The following SLC44A5 variants were observed in gnomAD, a reference collection of about 807,000 sequenced individuals.
SLC44A5 encodes the protein choline transporter-like protein 5.
In SLC44A5, 57 loss-of-function variants were observed where a neutral mutation model predicts 101.8. That is an observed-to-expected ratio of 0.56 (90% confidence interval 0.45 to 0.70). The LOEUF (loss-of-function observed/expected upper bound fraction) is 0.70. Ranked by LOEUF, SLC44A5 falls within the 30% of genes least tolerant of loss-of-function variation. The pLI is 0.00. For synonymous variants in SLC44A5, 281 were observed against 290.9 expected, an observed-to-expected ratio of 0.97 and a Z score of 0.35; for missense variants, 737 against 853.1, an observed-to-expected ratio of 0.86 and a Z score of 1.70.
intron 3 of SLC44A5, among the ~76,000 whole-genome samples, chr1:75,390,342 A>G (rs1661701694): frequency 6.6e-6 from 1 of 151,846 alleles, no homozygotes; most frequent in Non-Finnish European, 1.5e-5. Flanking sequence ...AAAATCTGGC[A>G]AAGACACAAG....
At chr1:75,241,977 T>G (rs776458814) in intron 9 of SLC44A5, 24 bp downstream of exon 9, 1 of 1,590,864 alleles carries the variant, frequency 6.3e-7, no homozygotes, top group Admixed American at 1.7e-5. Context: ...CCTATGTTTC[T>G]AAGGTAAAAT....
chr1:75,429,930 G>A (rs1454033279), intron 2 of SLC44A5, among the ~76,000 whole-genome samples: 4 of 152,108 alleles, frequency 2.6e-5, no homozygotes, highest in Non-Finnish European at 5.9e-5. Context: ...TATTGTGCTG[G>A]GAGCTAAGGA....
chr1:75,299,732 C>A (rs569507456), intron 5 of SLC44A5, among the ~76,000 whole-genome samples: 5 of 151,954 alleles, frequency 3.3e-5, no homozygotes, highest in African/African-American at 1.2e-4. Context: ...CCAAATGGGC[C>A]AGGCACAGTA....
At chr1:75,388,913 T>C (rs1165214988) in intron 3 of SLC44A5, among the ~76,000 whole-genome samples, 1 of 152,192 alleles carries the variant, frequency 6.6e-6, no homozygotes, top group Non-Finnish European at 1.5e-5. Context: ...TTTCTCTGTC[T>C]TCAAGAGACA....
At chr1:75,277,505 T>G (rs1315367284) in intron 5 of SLC44A5, among the ~76,000 whole-genome samples, 1 of 152,174 alleles carries the variant, frequency 6.6e-6, no homozygotes, top group African/African-American at 2.4e-5. Context: ...ACCACCAAAC[T>G]AGAAAGGCGA....
intron 2 of SLC44A5, among the ~76,000 whole-genome samples, chr1:75,534,475 T>C (rs1279881758): frequency 6.6e-6 from 1 of 152,062 alleles, no homozygotes; most frequent in Non-Finnish European, 1.5e-5. Flanking sequence ...TGACAGAGAG[T>C]TTTCATACTA....
the SLC44A5 span, chr1:75,677,773 T>C: frequency 0.24 from 104,961 of 435,054 alleles, 13,589 homozygotes; most frequent in Non-Finnish European, 0.29. Flanking sequence ...GATGGCCGAA[T>C]AGGAACAGCT....
chr1:75,219,933 A>G, intron 14 of SLC44A5, 41 bp from the exon 15 acceptor site: 2 of 1,367,572 alleles, frequency 1.5e-6, no homozygotes, highest in Non-Finnish European at 2.1e-6. Context: ...TGTTAAAACT[A>G]GAAATAAGCT....
chr1:75,476,922 G>T (rs914815721), intron 2 of SLC44A5, among the ~76,000 whole-genome samples: 5 of 152,232 alleles, frequency 3.3e-5, no homozygotes, highest in African/African-American at 1.2e-4. Flanking sequence ...CACACAGCTG[G>T]AGATCTGAGA....
At chr1:75,656,327 C>T in the SLC44A5 span, among the ~76,000 whole-genome samples, 3 of 152,082 alleles carry the variant, frequency 2.0e-5, no homozygotes, top group East Asian at 1.9e-4. Flanking sequence ...GCATAAAATT[C>T]GCTGGTAAAA....
At chr1:75,277,190 T>A (rs991141889) in intron 5 of SLC44A5, among the ~76,000 whole-genome samples, 1 of 152,100 alleles carries the variant, frequency 6.6e-6, no homozygotes, top group Non-Finnish European at 1.5e-5. Flanking sequence ...CTTTAAAAAA[T>A]AATTAGGATT....
intron 2 of SLC44A5, among the ~76,000 whole-genome samples, chr1:75,508,772 T>A (rs1669405519): frequency 7.8e-6 from 1 of 127,844 alleles, no homozygotes; most frequent in Non-Finnish European, 1.6e-5. Context: ...TCCTTCTTTA[T>A]GTAAGAAAAG....
At chr1:75,271,856 G>A (rs1444458984) in intron 6 of SLC44A5, among the ~76,000 whole-genome samples, 2 of 151,986 alleles carry the variant, frequency 1.3e-5, no homozygotes, top group Non-Finnish European at 2.9e-5. Context: ...TGAATCAAAT[G>A]GTAGACCTAC....
the SLC44A5 span, among the ~76,000 whole-genome samples, chr1:75,646,482 C>A: frequency 6.6e-6 from 1 of 152,118 alleles, no homozygotes; most frequent in Non-Finnish European, 1.5e-5. Context: ...AATAGGGAAG[C>A]CTGTGTATTT....
chr1:75,473,475 T>G (rs1250254313), intron 2 of SLC44A5, among the ~76,000 whole-genome samples: 5 of 152,146 alleles, frequency 3.3e-5, no homozygotes, highest in African/African-American at 1.2e-4. Flanking sequence ...GTCAGACAAT[T>G]TTTGGTGAGG....
the SLC44A5 span, among the ~76,000 whole-genome samples, chr1:75,717,637 T>A: frequency 6.6e-6 from 1 of 152,196 alleles, no homozygotes; most frequent in African/African-American, 2.4e-5. Flanking sequence ...AAGGTGAATT[T>A]AAAAATATGT....
chr1:75,577,709 C>T (rs559045790), intron 1 of SLC44A5, among the ~76,000 whole-genome samples: 2 of 152,282 alleles, frequency 1.3e-5, no homozygotes, highest in East Asian at 3.9e-4. Context: ...TCTTCTCCCC[C>T]TAAAATATAA....
At chr1:75,491,500 C>G (rs1401814136) in intron 2 of SLC44A5, among the ~76,000 whole-genome samples, 2 of 151,920 alleles carry the variant, frequency 1.3e-5, no homozygotes, top group Non-Finnish European at 2.9e-5. Flanking sequence ...AGAAGGGGAG[C>G]AGTATACATA....
chr1:75,444,574 T>C (rs1025013816), intron 2 of SLC44A5, among the ~76,000 whole-genome samples: 3 of 150,940 alleles, frequency 2.0e-5, no homozygotes, highest in Admixed American at 1.3e-4. Flanking sequence ...TTGTTATTTT[T>C]GCTTTGTTTT....
Sources: allele counts gnomAD v4.1 joint callset (sites outside exome capture counted in the v4.1 genomes callset), GRCh38; gene constraint gnomAD v4.1.1; transcripts MANE v1.5; gene names NCBI Gene and HGNC (gene_info 2026-07-23, HGNC 2026-07-21).